Variants in CACNG7 observed in about 807,000 individuals in gnomAD.
CACNG7 encodes the protein voltage-dependent calcium channel gamma-7 subunit.
Under a neutral mutation model 26.3 loss-of-function variants are expected in CACNG7, and 9 were observed. The observed-to-expected ratio is 0.34, with a 90% CI of 0.21 to 0.60. The LOEUF (loss-of-function observed/expected upper bound fraction) is 0.60. Ranked by LOEUF, CACNG7 falls within the 20% of genes least tolerant of loss-of-function variation. The pLI, the probability that CACNG7 is intolerant of heterozygous loss-of-function variation, is 0.81. For missense variants in CACNG7, 297 were observed against 380.4 expected (o/e 0.78, Z 1.82); for synonymous variants, 170 against 157.0 (o/e 1.08, Z -0.62).
rs914515825 is a variant in CACNG7, at chr19:53,940,164, G to T, written c.425-1306G>T. Among the ~76,000 whole-genome samples the T allele has an allele frequency of 1.3e-5, 2 of 152,104 alleles. No individual in the cohort carries two copies. Among genetic ancestry groups the T allele is most frequent in the Non-Finnish European group, 2.9e-5 (2 of 68,014 alleles). On this transcript the variant is annotated intron_variant, in intron 4 of 5. Coordinates refer to ENST00000391767, the MANE Select transcript of CACNG7 (RefSeq NM_031896.5). The surrounding 1 kb of genome is among the most constrained non-coding windows in gnomAD (Gnocchi z 4.1). ...CTCTTGGCATGGTTACTGTTTAGAG[G>T]AAATTTCATCTGGAGAAAATGATAA...
intron 4 of CACNG7, among the ~76,000 whole-genome samples, chr19:53,937,638 T>C (rs1325767693): frequency 7.5e-6 from 1 of 132,788 alleles, no homozygotes; most frequent in East Asian, 2.6e-4. Flanking sequence ...TTGCCCAGGC[T>C]GGAGTGCAGT....
chr19:53,924,059 G>C (rs1280954370), intron 4 of CACNG7, among the ~76,000 whole-genome samples: 30 of 135,984 alleles, frequency 2.2e-4, no homozygotes, highest in Middle Eastern at 4.6e-3. Context: ...CATTGGTGGA[G>C]TTGTCCCCAG....
intron 4 of CACNG7, among the ~76,000 whole-genome samples, chr19:53,933,865 C>A (rs1298374743): frequency 6.6e-6 from 1 of 151,814 alleles, no homozygotes; most frequent in Non-Finnish European, 1.5e-5. Context: ...GGTGAATGTC[C>A]TGCATCTTGG....
At chr19:53,910,295 C>T (rs540674195) in intron 1 of CACNG7, among the ~76,000 whole-genome samples, 1 of 137,892 alleles carries the variant, frequency 7.3e-6, no homozygotes, top group African/African-American at 2.8e-5. Context: ...AGCCGCCAGG[C>T]GGGGGATGGG....
chr19:53,910,363 G>GC (rs978077648), intron 1 of CACNG7, among the ~76,000 whole-genome samples: 1 of 151,480 alleles, frequency 6.6e-6, no homozygotes, highest in African/African-American at 2.4e-5. Flanking sequence ...CCAAGAGGTT[G>GC]GGGGGGAAGG....
intron 4 of CACNG7, among the ~76,000 whole-genome samples, chr19:53,936,205 G>C (rs189529298): frequency 1.9e-4 from 29 of 152,074 alleles, no homozygotes; most frequent in Admixed American, 1.3e-3. Flanking sequence ...TTCAGGTTAC[G>C]CATTCTCAGC....
rs532025308 is a variant in CACNG7, at chr19:53,909,778, A to G, written c.-30+261A>G. Among the ~76,000 whole-genome samples, 64 of 151,942 alleles carry G rather than the reference A, an allele frequency of 4.2e-4. 1 individual carries two copies. In the South Asian group the frequency reaches 0.013, roughly 31 times the overall value. On this transcript the variant is annotated intron_variant, in intron 1 of 5. Transcript: ENST00000391767. This position sits in a 1 kb window ranked among gnomAD's most constrained non-coding sequence, Gnocchi z 5.1. The stretch of plus-strand genomic sequence containing the variant: ...AGCGAGCGTGGGCTGGGGAGGGCAG[A>G]GGCCGGGTCCCTGAGGAAGGCGAGG...
Position 53,915,477 on chromosome 19 carries a change from T to G in CACNG7, c.396T>G (p.Phe132Leu), listed in dbSNP as rs1360540595. ...GCCCGCAGAGGACCATTCTGGCTTTTGTCTCTGGCATCTTCTTCATACTAT... is the reference window on the plus strand; with the variant it reads ...GCCCGCAGAGGACCATTCTGGCTTTGGTCTCTGGCATCTTCTTCATACTAT... The part of the protein sequence containing the change: ...HIRPQRTILA[F>L]VSGIFFILSG... Residue 132 changes from phenylalanine (F) to leucine (L), a missense_variant, in exon 4 of 6, where the codon TTT becomes TTG. Physicochemically the swap from Phe to Leu is conservative, Grantham distance 22 (BLOSUM62 0). Coordinates refer to ENST00000391767, the MANE Select transcript of CACNG7 (RefSeq NM_031896.5). 2 of 1,614,196 alleles carry G rather than the reference T, an allele frequency of 1.2e-6. No homozygotes were observed. The highest frequency in any genetic ancestry group is 1.7e-6 in the Non-Finnish European group (2 of 1,180,042).
chr19:53,941,500 A>T lies in CACNG7; in HGVS notation c.455A>T (p.Tyr152Phe). 1 of 1,590,050 alleles carries T rather than the reference A, an allele frequency of 6.3e-7. No individual in the cohort carries two copies. Among genetic ancestry groups the T allele is most frequent in the Non-Finnish European group, 8.5e-7 (1 of 1,171,410 alleles). The change falls in exon 5 of 6, where the codon TAC becomes TTC. Residue 152 changes from tyrosine to phenylalanine, a missense_variant. Coordinates refer to ENST00000391767, the MANE Select transcript of CACNG7 (RefSeq NM_031896.5). ...TCCTTGGTGGTGGGCTTGGTTCTTT[A>T]CATCTCCAGCATCAACGACGAGGTC... ...GLSLVVGLVL[Y>F]ISSINDEVMN...
intron 4 of CACNG7, among the ~76,000 whole-genome samples, chr19:53,921,586 TC>T (rs2068953459): frequency 1.4e-5 from 1 of 73,138 alleles, no homozygotes; most frequent in Non-Finnish European, 2.3e-5. Flanking sequence ...TTGCCCCAGG[TC>T]TGGTCATTGG....
At chr19:53,928,786 G>C (rs1568780481) in intron 4 of CACNG7, among the ~76,000 whole-genome samples, 1 of 152,040 alleles carries the variant, frequency 6.6e-6, no homozygotes, top group Non-Finnish European at 1.5e-5. Context: ...ACGGAGATGA[G>C]GATTTTGGAA....
intron 4 of CACNG7, among the ~76,000 whole-genome samples, chr19:53,928,550 C>T (rs1049684994): frequency 1.3e-4 from 20 of 151,716 alleles, no homozygotes; most frequent in East Asian, 1.9e-4. Flanking sequence ...GCTGAGATTA[C>T]AGGCATGAGC....
intron 4 of CACNG7, among the ~76,000 whole-genome samples, chr19:53,936,259 C>T (rs1255794762): frequency 2.0e-5 from 3 of 152,196 alleles, no homozygotes; most frequent in Admixed American, 2.0e-4. Flanking sequence ...CAGCTCTCTT[C>T]TCTGGAGGCC....
At chr19:53,934,481 A>G (rs922371107) in intron 4 of CACNG7, among the ~76,000 whole-genome samples, 2 of 152,182 alleles carry the variant, frequency 1.3e-5, no homozygotes, top group Admixed American at 6.5e-5. Flanking sequence ...TCTTTTTACA[A>G]TGAAAAAGCA....
rs1568769092 is a variant in CACNG7 at position 53,912,815 on chromosome 19, G to GC, written c.-12dup. 6.2e-7 allele frequency: 1 copy of GC among 1,609,376 alleles called. No individual in the cohort carries two copies. On this transcript the variant is annotated 5_prime_UTR_variant, in exon 2 of 6. Coordinates refer to ENST00000391767, the MANE Select transcript of CACNG7 (RefSeq NM_031896.5). This position sits in a 1 kb window ranked among gnomAD's most constrained non-coding sequence, Gnocchi z 4.6. ...TTCCCTTCCACAGGCCCCGCAGGGCGCCCCCTGCCTCTGAGGATGAGTCAC... is the reference window on the plus strand; with the variant it reads ...TTCCCTTCCACAGGCCCCGCAGGGCGCCCCCCTGCCTCTGAGGATGAGTCAC...
At chr19:53,936,254 C>G (rs1021529020) in intron 4 of CACNG7, among the ~76,000 whole-genome samples, 8 of 152,292 alleles carry the variant, frequency 5.3e-5, no homozygotes, top group South Asian at 2.1e-4. Context: ...TTGCTCAGCT[C>G]TCTTCTCTGG....
chr19:53,927,870 G>A (rs1392203405), intron 4 of CACNG7, among the ~76,000 whole-genome samples: 3 of 151,534 alleles, frequency 2.0e-5, no homozygotes, highest in African/African-American at 7.3e-5. Flanking sequence ...AAAAAAAGAA[G>A]GCAGCTAAGA....
intron 4 of CACNG7, among the ~76,000 whole-genome samples, chr19:53,932,804 C>A (rs1215964017): frequency 2.7e-5 from 4 of 148,246 alleles, no homozygotes; most frequent in Non-Finnish European, 5.9e-5. Context: ...TTAATATGTT[C>A]ATCTATTTCA....
In CACNG7 at chr19:53,922,360, AGTTGTCCCC is replaced by A. The variant is rs1369261050; in HGVS notation, c.424+6856_424+6864del. ...TGTCCCCAGGCCTGGTCATTGGTGG[AGTTGTCCCC>A]AGGCCTGGTCATTGGTGGAGTTGTC... On this transcript the variant is annotated intron_variant, in intron 4 of 5. Coordinates refer to ENST00000391767, the MANE Select transcript of CACNG7 (RefSeq NM_031896.5). 8.8e-3 allele frequency among the ~76,000 whole-genome samples: 804 copies of A among 91,322 alleles called. 169 individuals carry two copies. The highest frequency in any genetic ancestry group is 0.012 in the Non-Finnish European group (580 of 48,952). The allele number at this position is 91,322 out of a possible 152,430, so 59.9% of individuals were successfully genotyped here. A position where few individuals can be genotyped will look rare whatever the true frequency, so the allele number is the denominator to read the frequency against.
Sources: allele counts gnomAD v4.1 joint callset (sites outside exome capture counted in the v4.1 genomes callset), GRCh38; gene constraint gnomAD v4.1.1; non-coding constraint Gnocchi (gnomAD v3.1); transcripts MANE v1.5; gene names NCBI Gene and HGNC (gene_info 2026-07-23, HGNC 2026-07-21).